Variants in SPATA22 observed in about 807,000 individuals in gnomAD.
The protein encoded by SPATA22 is spermatogenesis-associated protein 22.
A neutral mutation model predicts 47.8 loss-of-function variants in SPATA22; 29 were observed. The observed-to-expected ratio is 0.61, with a 90% CI of 0.45 to 0.83. The LOEUF (loss-of-function observed/expected upper bound fraction) is 0.83, where lower values mean the gene tolerates loss of function less well. Among genes scored for constraint, SPATA22 ranks in the 40% least tolerant of loss-of-function variants. The pLI, the probability that SPATA22 is intolerant of heterozygous loss-of-function variation, is 0.00. For synonymous variants in SPATA22, 133 were observed against 140.9 expected, an observed-to-expected ratio of 0.94 and a Z score of 0.40; for missense variants, 410 against 421.7, an observed-to-expected ratio of 0.97 and a Z score of 0.24.
chr17:3,446,703 G>T, intron 6 of SPATA22, 102 bp from the exon 7 acceptor site: 2 of 960,782 alleles, frequency 2.1e-6, no homozygotes, highest in Non-Finnish European at 3.0e-6. Flanking sequence ...CAATGGACAA[G>T]TGTGTAAAAA....
chr17:3,441,572 A>T (rs2150690878), intron 8 of SPATA22: 1 of 152,196 alleles, frequency 6.6e-6, no homozygotes, highest in Middle Eastern at 3.4e-3. Context: ...TTAAATTGAC[A>T]CAATCCTTTG....
At chr17:3,475,836 T>C (rs986222350), upstream of SPATA22, among the ~76,000 whole-genome samples, 6 of 152,256 alleles carry the variant, frequency 3.9e-5, no homozygotes, top group Non-Finnish European at 8.8e-5. Context: ...ATTTTTGTAT[T>C]AGTATGAAAT....
chr17:3,457,617 G>A (rs184644375), intron 5 of SPATA22, among the ~76,000 whole-genome samples: 222 of 151,558 alleles, frequency 1.5e-3, no homozygotes, highest in Non-Finnish European at 1.7e-3. Flanking sequence ...TATGGTACTG[G>A]TATTAAAACA....
At position 3,488,844 on chromosome 17, in the gene SPATA22, A is replaced by G. The variant is rs2073772311; in HGVS notation, c.-73-19446T>C. On this transcript the variant is annotated intron_variant, in intron 1 of 8. Coordinates refer to the SPATA22 transcript ENST00000541913. This position sits in a 1 kb window ranked among gnomAD's most constrained non-coding sequence, Gnocchi z 6.1. Reference sequence around the variant, plus strand: ...CTTCCTCCCGTCACAGCTAAATGTTAGATCTTAACAGTTTCTCTTCAGGTC... The same window carrying G: ...CTTCCTCCCGTCACAGCTAAATGTTGGATCTTAACAGTTTCTCTTCAGGTC... Among the ~76,000 whole-genome samples, 1 of 152,132 alleles carries G rather than the reference A, an allele frequency of 6.6e-6. No homozygotes were observed. The highest frequency in any genetic ancestry group is 6.5e-5 in the Admixed American group (1 of 15,274).
At chr17:3,494,155 A>G (rs1448599982) in intron 1 of SPATA22, among the ~76,000 whole-genome samples, 2 of 151,648 alleles carry the variant, frequency 1.3e-5, no homozygotes, top group African/African-American at 4.9e-5. Context: ...CCTCCCAAGT[A>G]ACTAGGATAA....
chr17:3,452,828 G>A (rs567729485), intron 5 of SPATA22, among the ~76,000 whole-genome samples: 6 of 152,186 alleles, frequency 3.9e-5, no homozygotes, highest in East Asian at 3.9e-4. Flanking sequence ...TACCAAGATT[G>A]AATCAAGAAG....
In SPATA22 at chr17:3,481,259, G is replaced by A. The variant is rs758000087; in HGVS notation, c.-73-11861C>T. 5.9e-5 allele frequency among the ~76,000 whole-genome samples: 9 copies of A among 152,310 alleles called. No individual in the cohort carries two copies. The South Asian group carries it at 1.7e-3, about 28-fold the overall frequency. On this transcript the variant is annotated intron_variant, in intron 1 of 8. Transcript: ENST00000541913. ...CTAGTCCCATAATAAATAACCCAGTGTACCATAACTACTAAGAAACTGTTC... is the reference window on the plus strand; with the variant it reads ...CTAGTCCCATAATAAATAACCCAGTATACCATAACTACTAAGAAACTGTTC...
intron 8 of SPATA22, chr17:3,441,046 A>C (rs2072586630): frequency 6.6e-6 from 1 of 152,094 alleles, no homozygotes; most frequent in Non-Finnish European, 1.5e-5. Context: ...GAGACAAGTA[A>C]ATCAGAAAAA....
At chr17:3,441,686 T>A (rs548586860) in intron 8 of SPATA22, 1 of 152,126 alleles carries the variant, frequency 6.6e-6, no homozygotes, top group African/African-American at 2.4e-5. Flanking sequence ...TGCAAATGCA[T>A]AAGAGACATA....
chr17:3,451,098 G>C (rs2072848691), intron 5 of SPATA22, among the ~76,000 whole-genome samples: 1 of 152,144 alleles, frequency 6.6e-6, no homozygotes, highest in African/African-American at 2.4e-5. Context: ...TAAAAGCTGA[G>C]AATAAAGGGA....
upstream of SPATA22, among the ~76,000 whole-genome samples, chr17:3,473,585 G>A (rs144046107): frequency 5.3e-3 from 804 of 152,214 alleles, 3 homozygotes; most frequent in Non-Finnish European, 7.7e-3. Flanking sequence ...TGCAACCTCC[G>A]CCTTCTAGGT....
chr17:3,497,712 C>T (rs1292204607), intron 1 of SPATA22, among the ~76,000 whole-genome samples: 4 of 152,120 alleles, frequency 2.6e-5, no homozygotes, highest in African/African-American at 4.8e-5. Context: ...TGCACGTGAA[C>T]GTCAAGGACC....
intron 3 of SPATA22, among the ~76,000 whole-genome samples, chr17:3,464,953 A>G (rs1283098114): frequency 1.3e-4 from 12 of 91,520 alleles, no homozygotes; most frequent in East Asian, 2.7e-4. Context: ...GCCTCTGCCC[A>G]GCCGCCCCTA....
chr17:3,477,176 A>AAT (rs1394486333), intron 1 of SPATA22, among the ~76,000 whole-genome samples: 1 of 152,070 alleles, frequency 6.6e-6, no homozygotes, highest in Non-Finnish European at 1.5e-5. Flanking sequence ...TAAATAAATA[A>AAT]AAATAAAGAC....
At position 3,490,751 on chromosome 17, in the gene SPATA22, T is replaced by C. The variant is rs1381836374; in HGVS notation, c.-73-21353A>G. Reference sequence around the variant, plus strand: ...CTACAATATATTAAGAAGTGATACATTCAGATAGAAGGCCACAAATCTGGG... The same window carrying C: ...CTACAATATATTAAGAAGTGATACACTCAGATAGAAGGCCACAAATCTGGG... On this transcript the variant is annotated intron_variant, in intron 1 of 8. Transcript: ENST00000541913. This position sits in a 1 kb window ranked among gnomAD's most constrained non-coding sequence, Gnocchi z 4.6. Among the ~76,000 whole-genome samples, 2 of 152,172 alleles carry C rather than the reference T, an allele frequency of 1.3e-5. No individual in the cohort carries two copies. Among genetic ancestry groups the C allele is most frequent in the Admixed American group, 1.3e-4 (2 of 15,274 alleles).
chr17:3,496,891 C>G (rs1189631439), intron 1 of SPATA22, among the ~76,000 whole-genome samples: 1 of 152,058 alleles, frequency 6.6e-6, no homozygotes, highest in Non-Finnish European at 1.5e-5. Flanking sequence ...ACGGTGAAAC[C>G]CCATCTCTAC....
chr17:3,506,611 A>G (rs989054365), intron 1 of SPATA22, among the ~76,000 whole-genome samples: 9 of 152,208 alleles, frequency 5.9e-5, no homozygotes, highest in Admixed American at 5.9e-4. Context: ...GAGCATAGAG[A>G]GCATAGAGAG....
intron 5 of SPATA22, among the ~76,000 whole-genome samples, chr17:3,456,816 C>T (rs1402876700): frequency 2.0e-5 from 3 of 151,328 alleles, no homozygotes; most frequent in Non-Finnish European, 4.4e-5. Flanking sequence ...ACTGGCAAAC[C>T]GAATCCAGCA....
rs748944826 is a variant in SPATA22, at chr17:3,490,811, T to C, written c.-73-21413A>G. ...TGGTTGGTTTTCAGATCATAGTCCATAGAATCCTATCACAACGGTGGAGAA... is the reference window on the plus strand; with the variant it reads ...TGGTTGGTTTTCAGATCATAGTCCACAGAATCCTATCACAACGGTGGAGAA... On this transcript the variant is annotated intron_variant, in intron 1 of 8. Transcript: ENST00000541913. This position sits in a 1 kb window ranked among gnomAD's most constrained non-coding sequence, Gnocchi z 4.6. Among the ~76,000 whole-genome samples, 2 of 152,214 alleles carry C rather than the reference T, an allele frequency of 1.3e-5. No homozygotes were observed. Among genetic ancestry groups the C allele is most frequent in the East Asian group, 1.9e-4 (1 of 5,196 alleles).
Sources: gnomAD v4.1 joint callset for allele counts (sites outside exome capture counted in the v4.1 genomes callset) on GRCh38, gnomAD v4.1.1 for gene constraint, Gnocchi (gnomAD v3.1) non-coding constraint, MANE v1.5 for transcripts, NCBI Gene and HGNC (gene_info 2026-07-23, HGNC 2026-07-21) for gene names.